The following PMM2 variants were observed in gnomAD, a reference collection of about 807,000 sequenced individuals.
PMM2 encodes phosphomannomutase 2.
Under a neutral mutation model 33.2 loss-of-function variants are expected in PMM2, and 35 were observed. The observed-to-expected ratio is 1.06, with a 90% confidence interval of 0.81 to 1.40. PMM2 has a LOEUF of 1.40. Ranked by LOEUF, PMM2 falls within the 40% of genes most tolerant of loss-of-function variation. The pLI is 0.00. For missense variants in PMM2, 386 were observed against 306.0 expected, an observed-to-expected ratio of 1.26 and a Z score of -1.95; for synonymous variants, 153 against 114.7, an observed-to-expected ratio of 1.33 and a Z score of -2.13.
At chr16:8,834,143 T>C (rs1434504389) in intron 7 of PMM2, among the ~76,000 whole-genome samples, 2 of 152,236 alleles carry the variant, frequency 1.3e-5, no homozygotes, top group Non-Finnish European at 2.9e-5. Flanking sequence ...TGTAGCATTC[T>C]GAGGACAGGC....
chr16:8,819,299 C>G (rs995595408), intron 7 of PMM2, among the ~76,000 whole-genome samples: 2 of 152,100 alleles, frequency 1.3e-5, no homozygotes, highest in African/African-American at 4.8e-5. Context: ...GTTAGGTGAT[C>G]AAAGCAAAGT....
chr16:8,840,920 C>CCT (rs2060885963), intron 7 of PMM2, among the ~76,000 whole-genome samples: 1 of 151,950 alleles, frequency 6.6e-6, no homozygotes, highest in African/African-American at 2.4e-5. Context: ...TCCTGTCTAG[C>CCT]CTGCTGGAGG....
At chr16:8,832,584 C>G (rs1272135948) in intron 7 of PMM2, 5 of 985,308 alleles carry the variant, frequency 5.1e-6, no homozygotes, top group African/African-American at 3.5e-5. Flanking sequence ...CTTCAGGGGT[C>G]TCTTCCCAGG....
At chr16:8,830,108 C>G (rs994127762) in intron 7 of PMM2, among the ~76,000 whole-genome samples, 8 of 152,202 alleles carry the variant, frequency 5.3e-5, no homozygotes, top group African/African-American at 1.9e-4. Flanking sequence ...AATCCATACA[C>G]CATGGGTTGG....
chr16:8,819,961 T>G (rs1286451345), intron 7 of PMM2, among the ~76,000 whole-genome samples: 2 of 152,214 alleles, frequency 1.3e-5, no homozygotes, highest in African/African-American at 2.4e-5. Context: ...CTACCTGCCT[T>G]CCTTTTAAGT....
At chr16:8,802,004 C>G in intron 2 of PMM2, 94 bp downstream of exon 2, 1 of 878,364 alleles carries the variant, frequency 1.1e-6, no homozygotes. Flanking sequence ...AAACCTTGTC[C>G]CCATATGGCG....
chr16:8,804,624 T>G, intron 2 of PMM2, 143 bp from the exon 3 acceptor site: 1 of 681,124 alleles, frequency 1.5e-6, no homozygotes, highest in South Asian at 1.7e-5. Context: ...TTCCATACTC[T>G]TCTCTTAGTC....
chr16:8,810,986 T>C (rs1193144014), intron 4 of PMM2, 93 bp from the exon 5 acceptor site: 6 of 781,842 alleles, frequency 7.7e-6, no homozygotes, highest in African/African-American at 6.9e-5. Flanking sequence ...AGCCTCTGCT[T>C]TTTAGAATTT....
At chr16:8,813,142 C>A in intron 7 of PMM2, 36 bp downstream of exon 7, 1 of 1,283,256 alleles carries the variant, frequency 7.8e-7, no homozygotes, top group Non-Finnish European at 1.1e-6. Flanking sequence ...TTCATTGTTG[C>A]ATTTGCGCTT....
rs2060637034 is a variant in PMM2, at chr16:8,804,764, T to C, written c.179-3T>C. 6.2e-7 allele frequency: 1 copy of C among 1,608,958 alleles called. No individual in the cohort carries two copies. The highest frequency in any genetic ancestry group is 1.3e-5 in the African/African-American group (1 of 74,806). Reference sequence around the variant, plus strand: ...CTAAGTGTTTTTTTGGTTTTGATTGTAGTGGTTGAAAAATACGATTATGTG... The same window carrying C: ...CTAAGTGTTTTTTTGGTTTTGATTGCAGTGGTTGAAAAATACGATTATGTG... On this transcript the variant is annotated splice_polypyrimidine_tract_variant and splice_region_variant and intron_variant, in intron 2 of 7. Coordinates refer to ENST00000268261, the MANE Select transcript of PMM2 (RefSeq NM_000303.3).
At chr16:8,811,032 A>G (rs778380544) in intron 4 of PMM2, 47 bp from the exon 5 acceptor site, 24 of 1,172,516 alleles carry the variant, frequency 2.0e-5, no homozygotes, top group Non-Finnish European at 3.0e-5. Context: ...TGTTGCCCAA[A>G]TGAATAACGT....
chr16:8,836,430 G>A (rs531283304), intron 7 of PMM2, among the ~76,000 whole-genome samples: 4 of 152,114 alleles, frequency 2.6e-5, no homozygotes, highest in African/African-American at 9.6e-5. Context: ...GGAATCCCGG[G>A]CTGTGGGCAT....
intron 7 of PMM2, among the ~76,000 whole-genome samples, chr16:8,837,942 A>G (rs928759022): frequency 2.0e-5 from 3 of 152,098 alleles, no homozygotes; most frequent in African/African-American, 7.2e-5. Context: ...AAATGAAAGG[A>G]ATTGAAATTA....
At chr16:8,814,378 G>A (rs1444451518) in intron 7 of PMM2, among the ~76,000 whole-genome samples, 1 of 152,180 alleles carries the variant, frequency 6.6e-6, no homozygotes, top group African/African-American at 2.4e-5. Context: ...GCAGGCCCGT[G>A]TCAGGCTTTC....
chr16:8,813,443 A>T (rs994872601), intron 7 of PMM2, among the ~76,000 whole-genome samples: 1 of 152,044 alleles, frequency 6.6e-6, no homozygotes, highest in Admixed American at 6.5e-5. Context: ...GGCTGTTTCA[A>T]CCTCATTTTT....
chr16:8,811,711 T>C lies in PMM2; in HGVS notation c.521T>C (p.Ile174Thr), dbSNP rs1288972814. Residue 174 changes from isoleucine to threonine, a missense_variant and splice_region_variant, in exon 6 of 8, where the codon ATA becomes ACA. By Grantham distance (89) the Ile-to-Thr change is moderately conservative. Transcript: ENST00000268261. ...EFAGKGLTFSIGGQISFDVFP... is the reference protein window; with the variant it reads ...EFAGKGLTFSTGGQISFDVFP... ...GCTGGAAAAGGCCTCACGTTTTCCA[T>C]AGGTATTGTATATATTGCCTGTGTT... 1 of 1,602,502 alleles carries C rather than the reference T, an allele frequency of 6.2e-7. No homozygotes were observed. The highest frequency in any genetic ancestry group is 8.6e-7 in the Non-Finnish European group (1 of 1,169,364).
intron 7 of PMM2, 62 bp from the exon 8 acceptor site, chr16:8,847,662 A>C: frequency 8.1e-7 from 1 of 1,235,946 alleles, no homozygotes; most frequent in East Asian, 2.3e-5. Flanking sequence ...CTCCAGGGTC[A>C]CATCAGCAAT....
intron 4 of PMM2, chr16:8,809,032 A>G (rs893111565): frequency 6.6e-6 from 1 of 152,246 alleles, no homozygotes; most frequent in African/African-American, 2.4e-5. Context: ...GTACCTTTAC[A>G]TAACTGGCAT....
intron 7 of PMM2, among the ~76,000 whole-genome samples, chr16:8,840,029 T>G (rs2060879313): frequency 6.6e-6 from 1 of 150,908 alleles, no homozygotes; most frequent in Admixed American, 6.6e-5. Flanking sequence ...AGTTCGGAGG[T>G]GTAGGGAGAT....
Sources: gnomAD v4.1 joint callset for allele counts (sites outside exome capture counted in the v4.1 genomes callset) on GRCh38, gnomAD v4.1.1 for gene constraint, MANE v1.5 for transcripts, NCBI Gene and HGNC (gene_info 2026-07-23, HGNC 2026-07-21) for gene names.